PADI2: variants seen among roughly 807,000 people sequenced by gnomAD.
The protein encoded by PADI2 is protein-arginine deiminase type-2.
PADI2 carries 70 observed loss-of-function variants against 81.1 expected under a neutral mutation model. The observed-to-expected ratio is 0.86, with a 90% CI of 0.71 to 1.05. The LOEUF (loss-of-function observed/expected upper bound fraction) is 1.05, where lower values mean the gene tolerates loss of function less well. Among genes scored for constraint, PADI2 ranks in the 50% least tolerant of loss-of-function variants. The pLI is 0.00. For missense variants in PADI2, 853 were observed against 889.9 expected, an observed-to-expected ratio of 0.96 and a Z score of 0.53; for synonymous variants, 338 against 358.0, an observed-to-expected ratio of 0.94 and a Z score of 0.63.
At chr1:17,086,068 T>C (rs1322480502) in intron 7 of PADI2, among the ~76,000 whole-genome samples, 1 of 151,984 alleles carries the variant, frequency 6.6e-6, no homozygotes, top group African/African-American at 2.4e-5. Context: ...GAAACTGGGA[T>C]TTGGGGTTCA....
At chr1:17,098,878 G>T (rs2101599808) in intron 3 of PADI2, among the ~76,000 whole-genome samples, 1 of 152,356 alleles carries the variant, frequency 6.6e-6, no homozygotes, top group East Asian at 1.9e-4. Context: ...AGAGAACAGG[G>T]CTGGTGTGAC....
At chr1:17,088,058 A>G (rs1475782262) in intron 6 of PADI2, among the ~76,000 whole-genome samples, 2 of 151,918 alleles carry the variant, frequency 1.3e-5, no homozygotes, top group Non-Finnish European at 2.9e-5. Context: ...TGCTCAGCTG[A>G]TGATAAGATG....
chr1:17,090,581 TTG>T (rs3036949), intron 6 of PADI2, among the ~76,000 whole-genome samples: 15,319 of 142,720 alleles, frequency 0.11, 925 homozygotes, highest in African/African-American at 0.17. Context: ...CGTCCTTTGC[TTG>T]TGTGTGTGTG....
At position 17,092,468 on chromosome 1, in the gene PADI2, C is replaced by G; in HGVS notation, c.595G>C (p.Glu199Gln). ...KGPDRLPAGY[E>Q]IVLYISMSDS... ...GACATGGAAATGTACAGAACTATCTCGTATCCGGCGGGGAGGCGGTCGGGG... is the reference window on the plus strand; with the variant it reads ...GACATGGAAATGTACAGAACTATCTGGTATCCGGCGGGGAGGCGGTCGGGG... Residue 199 changes from glutamate (E) to glutamine (Q), a missense_variant, in exon 6 of 16, where the codon GAG (glutamate) becomes CAG (glutamine). Transcript: ENST00000375486. 6.2e-7 allele frequency: 1 copy of G among 1,606,062 alleles called. No individual in the cohort carries two copies. The highest frequency in any genetic ancestry group is 2.3e-5 in the East Asian group (1 of 44,390).
intron 13 of PADI2, among the ~76,000 whole-genome samples, chr1:17,073,718 A>G (rs940026533): frequency 3.3e-5 from 5 of 152,178 alleles, no homozygotes; most frequent in Non-Finnish European, 7.3e-5. Flanking sequence ...CAATACACCC[A>G]GGTAACAAAC....
At chr1:17,109,981 C>A (rs74059125) in intron 1 of PADI2, among the ~76,000 whole-genome samples, 1,731 of 152,324 alleles carry the variant, frequency 0.011, 36 homozygotes, top group African/African-American at 0.039. Context: ...AGAGGGTTAA[C>A]GCCCAGCCCA....
intron 12 of PADI2, chr1:17,075,182 A>G (rs1459018747): frequency 8.8e-6 from 4 of 455,010 alleles, no homozygotes; most frequent in Non-Finnish European, 1.6e-5. Flanking sequence ...GTGGACTTGG[A>G]CAGGACATCT....
intron 3 of PADI2, among the ~76,000 whole-genome samples, chr1:17,099,293 G>A (rs1931056390): frequency 6.6e-6 from 1 of 152,130 alleles, no homozygotes; most frequent in South Asian, 2.1e-4. Context: ...GAAGGCATAG[G>A]ATCAAGCCCC....
At position 17,068,821 on chromosome 1, in the gene PADI2, A is replaced by C; in HGVS notation, c.*223T>G. The C allele has an allele frequency of 1.7e-6, 1 of 583,348 alleles. No individual in the cohort carries two copies. The highest frequency in any genetic ancestry group is 3.1e-6 in the Non-Finnish European group (1 of 326,522). The allele number at this position is 583,348 out of a possible 1,614,324, so 36.1% of individuals were successfully genotyped here. A position where few individuals can be genotyped will look rare whatever the true frequency, so the allele number is the denominator to read the frequency against. On this transcript the variant is annotated 3_prime_UTR_variant, in exon 16 of 16. Transcript: ENST00000375486. Reference sequence around the variant, plus strand: ...GTCAGGGCTACAGAGACACTGGCCCAGCTATTTTCAGCAGGGACAGAGTCG... The same window carrying C: ...GTCAGGGCTACAGAGACACTGGCCCCGCTATTTTCAGCAGGGACAGAGTCG...
chr1:17,071,752 C>G (rs2078266046), intron 13 of PADI2, among the ~76,000 whole-genome samples: 1 of 152,196 alleles, frequency 6.6e-6, no homozygotes, highest in Admixed American at 6.5e-5. Context: ...CTTGCTCTTG[C>G]TTTGGCCAGT....
intron 7 of PADI2, 31 bp downstream of exon 7, chr1:17,086,489 AG>A (rs1930433251): frequency 6.3e-7 from 1 of 1,585,450 alleles, no homozygotes; most frequent in African/African-American, 1.3e-5. Flanking sequence ...CCCTGGGGTT[AG>A]CCCCCTGTGG....
chr1:17,103,011 C>T lies in PADI2; in HGVS notation c.325G>A (p.Ala109Thr), dbSNP rs1269487163. The T allele has an allele frequency of 6.2e-7, 1 of 1,613,536 alleles. No individual in the cohort carries two copies. The highest frequency in any genetic ancestry group is 8.5e-7 in the Non-Finnish European group (1 of 1,179,660). Residue 109 changes from alanine (A) to threonine (T), a missense_variant, in exon 3 of 16, where the codon GCG becomes ACG. Coordinates refer to ENST00000375486, the MANE Select transcript of PADI2 (RefSeq NM_007365.3). Reference protein sequence around the residue: ...DEEGSIPIDQAGLFLTAIEIS... With the variant: ...DEEGSIPIDQTGLFLTAIEIS... ...CCAATGGCTGTGAGGAAGAGCCCCG[C>T]CTGGTCGATGGGAATGCTCCCTTCC... is the stretch of plus-strand genomic sequence containing the variant.
At chr1:17,073,068 C>T (rs769545413) in intron 13 of PADI2, among the ~76,000 whole-genome samples, 1 of 152,118 alleles carries the variant, frequency 6.6e-6, no homozygotes, top group Non-Finnish European at 1.5e-5. Flanking sequence ...GGAACTCAGG[C>T]TTTCAGGCAT....
intron 3 of PADI2, among the ~76,000 whole-genome samples, chr1:17,101,995 C>T (rs1344594745): frequency 6.6e-6 from 1 of 152,122 alleles, no homozygotes; most frequent in African/African-American, 2.4e-5. Context: ...CAGGTGTTTA[C>T]CATTCTCCCC....
At chr1:17,075,119 C>A in intron 12 of PADI2, 170 bp from the exon 13 acceptor site, 1 of 532,648 alleles carries the variant, frequency 1.9e-6, no homozygotes, top group Non-Finnish European at 3.4e-6. Flanking sequence ...AGGAATATTT[C>A]TCACCTTTCC....
chr1:17,107,492 G>A (rs1931425419), intron 1 of PADI2, among the ~76,000 whole-genome samples: 1 of 152,180 alleles, frequency 6.6e-6, no homozygotes, highest in Non-Finnish European at 1.5e-5. Context: ...CAGACTGCGG[G>A]GCCCCATCTC....
At chr1:17,079,791 CTGT>C (rs1027207711) in intron 10 of PADI2, among the ~76,000 whole-genome samples, 4 of 105,506 alleles carry the variant, frequency 3.8e-5, no homozygotes, top group East Asian at 4.4e-4. Flanking sequence ...GTTTCCCCAT[CTGT>C]TGTTGTTTTT....
chr1:17,081,529 A>G (rs1006987360), intron 10 of PADI2, among the ~76,000 whole-genome samples: 5 of 152,234 alleles, frequency 3.3e-5, no homozygotes, highest in Non-Finnish European at 7.3e-5. Context: ...GGGGCAGAAC[A>G]GGTGTGAACC....
intron 4 of PADI2, 100 bp from the exon 5 acceptor site, chr1:17,093,784 C>A (rs1930797488): frequency 1.5e-6 from 1 of 688,288 alleles, no homozygotes; most frequent in Non-Finnish European, 2.5e-6. Context: ...TAAAGAGTAG[C>A]CGCCACCCAC....
Sources: allele counts gnomAD v4.1 joint callset (sites outside exome capture counted in the v4.1 genomes callset), GRCh38; gene constraint gnomAD v4.1.1; transcripts MANE v1.5; gene names NCBI Gene and HGNC (gene_info 2026-07-23, HGNC 2026-07-21).